SLC35D4: variants seen among roughly 807,000 people sequenced by gnomAD.
SLC35D4 encodes the protein solute carrier family 35 member D4, also known as UDP-N-acetylglucosamine transporter SLC35D4.
the SLC35D4 span, among the ~76,000 whole-genome samples, chr18:23,368,216 T>C: frequency 6.6e-6 from 1 of 152,126 alleles, no homozygotes; most frequent in East Asian, 1.9e-4. Flanking sequence ...CCCCTTTTCT[T>C]TCCACCCCAG....
the SLC35D4 span, among the ~76,000 whole-genome samples, chr18:23,298,608 TG>T: frequency 6.6e-6 from 1 of 152,124 alleles, no homozygotes; most frequent in Non-Finnish European, 1.5e-5. Context: ...GAAAAAGCAG[TG>T]GGAGAACTGG....
chr18:23,267,765 G>A, the SLC35D4 span, among the ~76,000 whole-genome samples: 1 of 152,160 alleles, frequency 6.6e-6, no homozygotes, highest in Non-Finnish European at 1.5e-5. Context: ...CTGCCTGGCT[G>A]GCTGCACTAG....
At chr18:23,318,485 T>TTTTACATAGAA in the SLC35D4 span, among the ~76,000 whole-genome samples, 1 of 152,246 alleles carries the variant, frequency 6.6e-6, no homozygotes, top group Non-Finnish European at 1.5e-5. Flanking sequence ...ATGGTCATAT[T>TTTTACATAGAA]TTACATAGCA....
chr18:23,428,684 ATTTT>A, the SLC35D4 span, among the ~76,000 whole-genome samples: 1 of 145,784 alleles, frequency 6.9e-6, no homozygotes, highest in Admixed American at 6.9e-5. Flanking sequence ...TGCCTAGCTA[ATTTT>A]TTTTTTTTTT....
At chr18:23,288,872 T>C in the SLC35D4 span, among the ~76,000 whole-genome samples, 2 of 152,168 alleles carry the variant, frequency 1.3e-5, no homozygotes, top group Non-Finnish European at 2.9e-5. Context: ...AACGGACTAA[T>C]GGTCTTTTAA....
chr18:23,264,608 G>C, the SLC35D4 span, among the ~76,000 whole-genome samples: 1 of 152,048 alleles, frequency 6.6e-6, no homozygotes, highest in African/African-American at 2.4e-5. Flanking sequence ...TGATCCGTCT[G>C]CCTCGGCCTC....
At chr18:23,241,219 T>C in the SLC35D4 span, among the ~76,000 whole-genome samples, 4 of 152,140 alleles carry the variant, frequency 2.6e-5, no homozygotes, top group African/African-American at 9.7e-5. Context: ...CAGTAGATTT[T>C]TTTTTTTAAT....
the SLC35D4 span, among the ~76,000 whole-genome samples, chr18:23,283,171 A>G: frequency 2.0e-3 from 301 of 152,256 alleles, 8 homozygotes; most frequent in East Asian, 0.048. Context: ...GGGCAAGTGC[A>G]TAAAGTGAAA....
At chr18:23,311,596 C>T in the SLC35D4 span, among the ~76,000 whole-genome samples, 3 of 152,126 alleles carry the variant, frequency 2.0e-5, no homozygotes, top group African/African-American at 2.4e-5. Flanking sequence ...GAAAGTTACC[C>T]GTGACTTGAA....
the SLC35D4 span, among the ~76,000 whole-genome samples, chr18:23,416,155 G>A: frequency 7.2e-5 from 11 of 152,196 alleles, no homozygotes; most frequent in African/African-American, 2.7e-4. Flanking sequence ...AAGTTGAAGT[G>A]AGCCGAGATC....
chr18:23,262,471 A>C, the SLC35D4 span, among the ~76,000 whole-genome samples: 1 of 152,260 alleles, frequency 6.6e-6, no homozygotes, highest in Non-Finnish European at 1.5e-5. Flanking sequence ...CCTTGGGGAC[A>C]TCACAAATGG....
At chr18:23,282,682 G>C in the SLC35D4 span, among the ~76,000 whole-genome samples, 1 of 152,226 alleles carries the variant, frequency 6.6e-6, no homozygotes, top group Admixed American at 6.5e-5. Flanking sequence ...CCAGGGTAGG[G>C]GTGGGAGTGG....
the SLC35D4 span, among the ~76,000 whole-genome samples, chr18:23,357,618 T>C: frequency 1.3e-5 from 2 of 152,146 alleles, no homozygotes; most frequent in African/African-American, 2.4e-5. Flanking sequence ...GTATATTAAG[T>C]GTACAGTGGA....
At chr18:23,248,597 G>T in the SLC35D4 span, among the ~76,000 whole-genome samples, 1 of 150,706 alleles carries the variant, frequency 6.6e-6, no homozygotes, top group Non-Finnish European at 1.5e-5. Flanking sequence ...GGAGGCCGAG[G>T]CGGGTGGATC....
the SLC35D4 span, among the ~76,000 whole-genome samples, chr18:23,340,738 G>GA: frequency 2.0e-5 from 3 of 152,194 alleles, no homozygotes; most frequent in Non-Finnish European, 4.4e-5. Flanking sequence ...TTTAAAGGAA[G>GA]AAAGTGATCT....
the SLC35D4 span, among the ~76,000 whole-genome samples, chr18:23,263,427 T>G: frequency 6.6e-6 from 1 of 152,174 alleles, no homozygotes; most frequent in Non-Finnish European, 1.5e-5. Context: ...GCCTCCACAT[T>G]TGATGTGGGG....
chr18:23,405,611 C>A, the SLC35D4 span, among the ~76,000 whole-genome samples: 45 of 152,290 alleles, frequency 3.0e-4, no homozygotes, highest in Non-Finnish European at 6.0e-4. Context: ...ATATTCTAGT[C>A]AATGAAGACA....
At chr18:23,364,866 G>A in the SLC35D4 span, among the ~76,000 whole-genome samples, 1 of 115,374 alleles carries the variant, frequency 8.7e-6, no homozygotes, top group Non-Finnish European at 1.6e-5. Flanking sequence ...TCATGCCACT[G>A]CACTCCAGCC....
chr18:23,241,302 G>T, the SLC35D4 span, among the ~76,000 whole-genome samples: 2 of 151,902 alleles, frequency 1.3e-5, no homozygotes, highest in East Asian at 1.9e-4. Flanking sequence ...TGGGTAAGGT[G>T]GGGGGATCAC....
Sources: allele counts gnomAD v4.1 joint callset (sites outside exome capture counted in the v4.1 genomes callset), GRCh38; gene constraint gnomAD v4.1.1; transcripts MANE v1.5; gene names NCBI Gene and HGNC (gene_info 2026-07-23, HGNC 2026-07-21).